MAMLD1: variants seen among roughly 807,000 people sequenced by gnomAD.
MAMLD1 encodes mastermind-like domain-containing protein 1.
A neutral mutation model predicts 45.0 loss-of-function variants in MAMLD1; 14 were observed. The ratio of observed to expected loss-of-function variants is 0.31; its 90% CI spans 0.21 to 0.49. The LOEUF (loss-of-function observed/expected upper bound fraction) is 0.49, where lower values mean the gene tolerates loss of function less well. MAMLD1 is among the 20% of genes least tolerant of loss of function. The pLI, the probability that MAMLD1 is intolerant of heterozygous loss-of-function variation, is 0.99. For synonymous variants in MAMLD1, 254 were observed against 247.8 expected, an observed-to-expected ratio of 1.02 and a Z score of -0.24; for missense variants, 543 against 603.6, an observed-to-expected ratio of 0.90 and a Z score of 1.05.
rs974235015 is a variant in MAMLD1 at position 150,439,792 on chromosome X, G to T, written c.-63-5662G>T. On this transcript the variant is annotated intron_variant, in intron 1 of 7. Coordinates refer to ENST00000370401, the MANE Select transcript of MAMLD1 (RefSeq NM_005491.5). ...TCTACCAAAAATACAAAAATTAGCC[G>T]GGCATGGTGTAGTCTCAGCTACCTG... is the stretch of plus-strand genomic sequence containing the variant. 2.7e-5 allele frequency among the ~76,000 whole-genome samples: 3 copies of T among 111,043 alleles called. No homozygotes were observed. The Admixed American group carries it at 2.9e-4, about 11-fold the overall frequency.
chrX:150,467,222 A>T (rs782101709), intron 3 of MAMLD1, among the ~76,000 whole-genome samples: 1 of 112,197 alleles, frequency 8.9e-6, no homozygotes, highest in Non-Finnish European at 1.9e-5. Context: ...TAGAAGAGAC[A>T]CAATTTCAGT....
At chrX:150,398,330 A>G (rs1603235815) in intron 1 of MAMLD1, among the ~76,000 whole-genome samples, 1 of 83,032 alleles carries the variant, frequency 1.2e-5, no homozygotes, top group Non-Finnish European at 2.5e-5. Flanking sequence ...GAAGAAGAAG[A>G]AGAAGAAGAA....
At chrX:150,491,068 G>A (rs1481558846) in intron 5 of MAMLD1, among the ~76,000 whole-genome samples, 8 of 111,586 alleles carry the variant, frequency 7.2e-5, no homozygotes. Context: ...GGGTAGGGGT[G>A]GAGGGCTGAA....
chrX:150,380,627 T>A (rs1179544838), intron 1 of MAMLD1, among the ~76,000 whole-genome samples: 2 of 112,178 alleles, frequency 1.8e-5, no homozygotes, highest in African/African-American at 3.2e-5. Flanking sequence ...CACCAAATTT[T>A]CTTCCAGTAT....
intron 3 of MAMLD1, among the ~76,000 whole-genome samples, chrX:150,468,149 C>G (rs1050373629): frequency 5.4e-5 from 6 of 111,720 alleles, no homozygotes; most frequent in African/African-American, 2.0e-4. Context: ...CTGGATGAAG[C>G]TGTCAGTTTG....
chrX:150,377,951 G>A (rs1166831478), intron 1 of MAMLD1, among the ~76,000 whole-genome samples: 1 of 110,054 alleles, frequency 9.1e-6, no homozygotes, highest in Non-Finnish European at 1.9e-5. Context: ...TTCCTAAAAC[G>A]TTCTCCTGCA....
chrX:150,480,300 T>C (rs1312626089), intron 5 of MAMLD1, among the ~76,000 whole-genome samples: 2 of 112,339 alleles, frequency 1.8e-5, no homozygotes, highest in Non-Finnish European at 3.8e-5. Flanking sequence ...AGCACCCTGC[T>C]CCCAGATCCA....
rs782820010 is a variant in MAMLD1, at chrX:150,469,639, C to G, written c.172-106C>G. ...TCTCTCTCTCTCTTTCTCTCTGTCT[C>G]TCTCTCTCTCTCTCTCTGTGTGTGT... On this transcript the variant is annotated intron_variant, in intron 3 of 7. Transcript: ENST00000370401. 154 of 389,984 alleles carry G rather than the reference C, an allele frequency of 3.9e-4. No homozygotes were observed. In the South Asian group the frequency reaches 7.4e-3, roughly 19 times the overall value. The allele number at this position is 389,984 out of a possible 1,213,427, so 32.1% of individuals were successfully genotyped here.
At chrX:150,419,578 A>C (rs1557403354) in intron 1 of MAMLD1, among the ~76,000 whole-genome samples, 1 of 107,445 alleles carries the variant, frequency 9.3e-6, no homozygotes, top group African/African-American at 3.4e-5. Context: ...GGCTGGTACC[A>C]GTTGTTCCTT....
intron 5 of MAMLD1, among the ~76,000 whole-genome samples, chrX:150,499,535 C>T (rs782107653): frequency 1.7e-3 from 190 of 111,568 alleles, no homozygotes; most frequent in African/African-American, 6.1e-3. Flanking sequence ...CACAGAATAG[C>T]CAAAAGTGCA....
intron 1 of MAMLD1, among the ~76,000 whole-genome samples, chrX:150,408,547 C>T (rs1289487231): frequency 8.9e-6 from 1 of 112,099 alleles, no homozygotes; most frequent in African/African-American, 3.2e-5. Flanking sequence ...TAGTAACTTG[C>T]CTCCATGTCA....
intron 1 of MAMLD1, among the ~76,000 whole-genome samples, chrX:150,409,743 T>C (rs911393278): frequency 8.9e-6 from 1 of 111,856 alleles, no homozygotes; most frequent in Non-Finnish European, 1.9e-5. Context: ...CGGCCGGCTC[T>C]CCACTAAACG....
intron 1 of MAMLD1, among the ~76,000 whole-genome samples, chrX:150,370,541 G>A (rs1313747786): frequency 9.0e-6 from 1 of 111,635 alleles, no homozygotes; most frequent in Non-Finnish European, 1.9e-5. Flanking sequence ...TGTGTTATAG[G>A]ATATTTACAT....
chrX:150,479,966 G>A (rs868908371), intron 5 of MAMLD1, among the ~76,000 whole-genome samples: 6 of 111,366 alleles, frequency 5.4e-5, no homozygotes, highest in Admixed American at 1.9e-4. Context: ...AATCAAAGAC[G>A]TGACCCTTCC....
intron 1 of MAMLD1, among the ~76,000 whole-genome samples, chrX:150,384,663 G>A (rs1334504720): frequency 1.8e-5 from 2 of 111,564 alleles, no homozygotes; most frequent in Non-Finnish European, 3.8e-5. Flanking sequence ...TGTGCTTTTT[G>A]TATCATATCT....
chrX:150,471,477 C>G lies in MAMLD1; in HGVS notation c.1904C>G (p.Ala635Gly), dbSNP rs140927620. The G allele has an allele frequency of 8.3e-7, 1 of 1,209,985 alleles. No individual in the cohort carries two copies. The highest frequency in any genetic ancestry group is 1.8e-5 in the South Asian group (1 of 56,982). Residue 635 changes from alanine (A) to glycine (G), a missense_variant, in exon 4 of 8, where the codon GCT becomes GGT. Coordinates refer to ENST00000370401, the MANE Select transcript of MAMLD1 (RefSeq NM_005491.5). ...TCAGTGGCCTCAGATTCCATGCCTG[C>G]TCTGCCCAGACAGGTAAGACAATCT... ...QRSVASDSMP[A>G]LPRQGCCHLF...
rs192895859 is a variant in MAMLD1 at position 150,403,123 on chromosome X, C to A, written c.-64+39593C>A. ...ATACACTGAAATATGATTCAGCCCC[C>A]AAAGGAAATAAAGTACTGATCCATG... On this transcript the variant is annotated intron_variant, in intron 1 of 7. Coordinates refer to ENST00000370401, the MANE Select transcript of MAMLD1 (RefSeq NM_005491.5). 5.3e-3 allele frequency among the ~76,000 whole-genome samples: 585 copies of A among 111,242 alleles called. 2 individuals are homozygous for A. The highest frequency in any genetic ancestry group is 0.018 in the African/African-American group (564 of 30,616).
chrX:150,397,628 C>A (rs1157675508), intron 1 of MAMLD1, among the ~76,000 whole-genome samples: 4 of 111,554 alleles, frequency 3.6e-5, no homozygotes, highest in Non-Finnish European at 7.5e-5. Flanking sequence ...ACCCATTTAG[C>A]TAGTCCTCTC....
At chrX:150,497,103 G>A (rs1448096867) in intron 5 of MAMLD1, among the ~76,000 whole-genome samples, 1 of 111,464 alleles carries the variant, frequency 9.0e-6, no homozygotes, top group Non-Finnish European at 1.9e-5. Flanking sequence ...ATATACGTTT[G>A]TGGAGGAAAA....
Sources: allele counts gnomAD v4.1 joint callset (sites outside exome capture counted in the v4.1 genomes callset), GRCh38; gene constraint gnomAD v4.1.1; transcripts MANE v1.5; gene names NCBI Gene and HGNC (gene_info 2026-07-23, HGNC 2026-07-21).